Variants in WNT8A observed in about 807,000 individuals in gnomAD.
WNT8A encodes the protein Wnt family member 8A.
WNT8A carries 14 observed loss-of-function variants against 20.5 expected under a neutral mutation model. That is an observed-to-expected ratio of 0.68 (90% CI 0.45 to 1.07). The LOEUF (loss-of-function observed/expected upper bound fraction) is 1.07. Ranked by LOEUF, WNT8A falls within the 50% of genes least tolerant of loss-of-function variation. WNT8A has a pLI of 0.00. For synonymous variants in WNT8A, 167 were observed against 169.2 expected, an observed-to-expected ratio of 0.99 and a Z score of 0.10; for missense variants, 397 against 462.9, an observed-to-expected ratio of 0.86 and a Z score of 1.31.
At chr5:138,086,031 C>T (rs1343566100) in intron 2 of WNT8A, among the ~76,000 whole-genome samples, 2 of 152,052 alleles carry the variant, frequency 1.3e-5, no homozygotes, top group African/African-American at 4.8e-5. Flanking sequence ...GCCCAAACTT[C>T]CCAGTCAGAA....
Position 138,090,896 on chromosome 5 carries a change from G to C in WNT8A, c.933G>C (p.Leu311=), listed in dbSNP as rs201138641. The change falls in exon 5 of 5, where the codon CTG becomes CTC. Residue 311 remains leucine (L), a synonymous_variant. Transcript: ENST00000506684. ...SRWERRSCGR[L]CTECGLQVEE... ...GGGAGCGACGTAGCTGTGGGCGCCTGTGCACTGAGTGTGGGCTGCAGGTGG... is the reference window on the plus strand; with the variant it reads ...GGGAGCGACGTAGCTGTGGGCGCCTCTGCACTGAGTGTGGGCTGCAGGTGG... 1.2e-6 allele frequency: 2 copies of C among 1,614,242 alleles called. No homozygotes were observed. Among genetic ancestry groups the C allele is most frequent in the Non-Finnish European group, 1.7e-6 (2 of 1,180,040 alleles).
Position 138,089,084 on chromosome 5 carries a change from T to A in WNT8A, c.564+15T>A. 6.2e-7 allele frequency: 1 copy of A among 1,610,594 alleles called. No individual in the cohort carries two copies. The highest frequency in any genetic ancestry group is 8.5e-7 in the Non-Finnish European group (1 of 1,178,636). On this transcript the variant is annotated intron_variant, in intron 4 of 4. Transcript: ENST00000506684. ...CCGGCAGACTGGTGGGTATAGGCAT[T>A]GTGGCCAGTATTTCTACAGCTTCAC...
Position 138,084,078 on chromosome 5 carries a change from G to T in WNT8A, c.-50G>T, listed in dbSNP as rs1750578303. On this transcript the variant is annotated 5_prime_UTR_variant, in exon 1 of 5. Transcript: ENST00000506684. ...CCTGAGCTGGACCTGGTCCACTGGG[G>T]TAGGCAGGGCGATGGGGAACCTGTT... is the stretch of plus-strand genomic sequence containing the variant. The T allele has an allele frequency of 1.9e-6, 3 of 1,610,430 alleles. No individual in the cohort carries two copies. The East Asian group carries it at 6.7e-5, about 36-fold the overall frequency.
upstream of WNT8A, among the ~76,000 whole-genome samples, chr5:138,079,110 T>C (rs1447683230): frequency 6.6e-6 from 1 of 152,052 alleles, no homozygotes; most frequent in Admixed American, 6.6e-5. Context: ...GAAACAATTA[T>C]TGGGTGTTAA....
Position 138,090,708 on chromosome 5 carries a change from G to A in WNT8A, c.745G>A (p.Ala249Thr), listed in dbSNP as rs767176090. ...GCGGCAGCTGAGAGCTGGGAACAGCGCCGAGGGCCACTGGGTGCCCGCTGA... is the reference window on the plus strand; with the variant it reads ...GCGGCAGCTGAGAGCTGGGAACAGCACCGAGGGCCACTGGGTGCCCGCTGA... ...DKRQLRAGNSAEGHWVPAEAF... is the reference protein window; with the variant it reads ...DKRQLRAGNSTEGHWVPAEAF... Residue 249 changes from alanine (A) to threonine (T), a missense_variant, in exon 5 of 5, where the codon GCC (alanine) becomes ACC (threonine). Physicochemically the swap from Ala to Thr is moderately conservative, Grantham distance 58. Transcript: ENST00000506684. 13 of 1,614,104 alleles carry A rather than the reference G, an allele frequency of 8.1e-6. No homozygotes were observed. Among genetic ancestry groups the A allele is most frequent in the South Asian group, 1.1e-5 (1 of 91,092 alleles).
upstream of WNT8A, among the ~76,000 whole-genome samples, chr5:138,080,451 T>TTTG (rs1554086763): frequency 5.3e-5 from 5 of 93,706 alleles, no homozygotes; most frequent in African/African-American, 1.6e-4. Flanking sequence ...CTTGTTTTTT[T>TTTG]TTTTTTTTTT....
chr5:138,085,260 T>C (rs1474246401), intron 2 of WNT8A, among the ~76,000 whole-genome samples: 6 of 152,224 alleles, frequency 3.9e-5, no homozygotes, highest in East Asian at 1.9e-4. Flanking sequence ...TTTAAATGCA[T>C]GCCTATATTT....
chr5:138,090,778 A>C lies in WNT8A; in HGVS notation c.815A>C (p.Glu272Ala). The change falls in exon 5 of 5, where the codon GAA becomes GCA. Residue 272 changes from glutamate to alanine, a missense_variant. Physicochemically the swap from Glu to Ala is moderately radical, Grantham distance 107 (BLOSUM62 -1). Coordinates refer to ENST00000506684, the MANE Select transcript of WNT8A (RefSeq NM_001300939.2). ...GAGGCGGAACTGATCTTTTTAGAGG[A>C]ATCACCAGATTACTGTACCTGCAAT... ...SAEAELIFLE[E>A]SPDYCTCNSS... The C allele has an allele frequency of 6.2e-7, 1 of 1,614,210 alleles. No homozygotes were observed. Among genetic ancestry groups the C allele is most frequent in the African/African-American group, 1.3e-5 (1 of 75,054 alleles).
In WNT8A at chr5:138,090,718, A is replaced by G. The variant is rs1440840937; in HGVS notation, c.755A>G (p.His252Arg). 3 of 1,614,130 alleles carry G rather than the reference A, an allele frequency of 1.9e-6. No homozygotes were observed. Among genetic ancestry groups the G allele is most frequent in the Middle Eastern group, 1.6e-4 (1 of 6,084 alleles). ...AGAGCTGGGAACAGCGCCGAGGGCC[A>G]CTGGGTGCCCGCTGAGGCCTTCCTT... is the stretch of plus-strand genomic sequence containing the variant. Reference protein sequence around the residue: ...QLRAGNSAEGHWVPAEAFLPS... With the variant: ...QLRAGNSAEGRWVPAEAFLPS... Residue 252 changes from histidine (H) to arginine (R), a missense_variant, in exon 5 of 5, where the codon CAC becomes CGC. By Grantham distance (29) the His-to-Arg change is conservative. Coordinates refer to ENST00000506684, the MANE Select transcript of WNT8A (RefSeq NM_001300939.2).
chr5:138,088,024 A>G, intron 3 of WNT8A, 93 bp downstream of exon 3: 2 of 1,550,890 alleles, frequency 1.3e-6, no homozygotes, highest in Non-Finnish European at 1.7e-6. Flanking sequence ...TGAGGGACAC[A>G]GCTCCCTTAA....
chr5:138,089,244 A>G (rs1172303163), intron 4 of WNT8A, among the ~76,000 whole-genome samples, 175 bp downstream of exon 4: 1 of 152,168 alleles, frequency 6.6e-6, no homozygotes, highest in Non-Finnish European at 1.5e-5. Context: ...TGGCTTGTCC[A>G]AGGCAACTAA....
At position 138,091,132 on chromosome 5, in the gene WNT8A, C is replaced by T; in HGVS notation, c.*59C>T. 3 of 1,566,850 alleles carry T rather than the reference C, an allele frequency of 1.9e-6. No individual in the cohort carries two copies. Among genetic ancestry groups the T allele is most frequent in the Non-Finnish European group, 2.6e-6 (3 of 1,161,280 alleles). On this transcript the variant is annotated 3_prime_UTR_variant, in exon 5 of 5. Transcript: ENST00000506684. ...ATCAGTGGAAGGGGACATAGCTTCT[C>T]TCTTAGAGAGAACAGATTGGAAAGC...
At chr5:138,080,475 T>C, upstream of WNT8A, among the ~76,000 whole-genome samples, 1 of 117,140 alleles carries the variant, frequency 8.5e-6, no homozygotes, top group Non-Finnish European at 1.8e-5. Flanking sequence ...TTTTGGCTAA[T>C]TTTTATATTT....
upstream of WNT8A, among the ~76,000 whole-genome samples, chr5:138,080,184 G>C (rs1057383707): frequency 6.6e-6 from 1 of 151,848 alleles, no homozygotes; most frequent in African/African-American, 2.4e-5. Context: ...TTAGCCAAGC[G>C]TGGAGGCGAG....
chr5:138,088,808 A>G (rs1750754129), intron 3 of WNT8A, 119 bp from the exon 4 acceptor site: 1 of 1,401,734 alleles, frequency 7.1e-7, no homozygotes, highest in Non-Finnish European at 9.6e-7. Context: ...AAGCACCTCC[A>G]TTTCCCTGTC....
downstream of WNT8A, chr5:138,091,560 C>A: frequency 8.1e-7 from 1 of 1,232,626 alleles, no homozygotes; most frequent in Non-Finnish European, 1.1e-6. Flanking sequence ...CACATATCTG[C>A]CTACTGGAAA....
chr5:138,082,351 G>A (rs1426633771), upstream of WNT8A, among the ~76,000 whole-genome samples: 2 of 152,160 alleles, frequency 1.3e-5, no homozygotes, highest in African/African-American at 2.4e-5. Context: ...GGCCAAAGGC[G>A]TGTGGATCAC....
intron 3 of WNT8A, 85 bp from the exon 4 acceptor site, chr5:138,088,842 C>T (rs1413125580): frequency 3.9e-6 from 6 of 1,547,314 alleles, no homozygotes; most frequent in Non-Finnish European, 5.3e-6. Context: ...TAGCTTTACA[C>T]TCTAGGGCTC....
intron 4 of WNT8A, 89 bp downstream of exon 4, chr5:138,089,158 T>C: frequency 6.6e-7 from 1 of 1,511,502 alleles, no homozygotes; most frequent in Non-Finnish European, 8.9e-7. Flanking sequence ...ATACGTTCTT[T>C]CCTCATACTA....
Sources: gnomAD v4.1 joint callset for allele counts (sites outside exome capture counted in the v4.1 genomes callset) on GRCh38, gnomAD v4.1.1 for gene constraint, MANE v1.5 for transcripts, NCBI Gene and HGNC (gene_info 2026-07-23, HGNC 2026-07-21) for gene names.